The following NPSR1 variants were observed in gnomAD, a reference collection of about 807,000 sequenced individuals.
NPSR1 encodes the protein neuropeptide S receptor.
In NPSR1, 48 loss-of-function variants were observed where a neutral mutation model predicts 46.9. That is an observed-to-expected ratio of 1.02 (90% CI 0.81 to 1.30). The LOEUF (loss-of-function observed/expected upper bound fraction) is 1.30, where lower values mean the gene tolerates loss of function less well. Among genes scored for constraint, NPSR1 ranks in the 50% most tolerant of loss-of-function variants. NPSR1 has a pLI of 0.00. For missense variants in NPSR1, 450 were observed against 449.5 expected, an observed-to-expected ratio of 1.00 and a Z score of -0.01; for synonymous variants, 176 against 168.1, an observed-to-expected ratio of 1.05 and a Z score of -0.36.
intron 8 of NPSR1, among the ~76,000 whole-genome samples, chr7:34,875,516 G>A (rs1401720447): frequency 6.6e-6 from 1 of 152,172 alleles, no homozygotes; most frequent in Non-Finnish European, 1.5e-5. Context: ...TGGCCCTGGG[G>A]CTCCATCATC....
downstream of NPSR1, among the ~76,000 whole-genome samples, chr7:34,853,437 T>C (rs1433439010): frequency 1.3e-5 from 2 of 152,202 alleles, no homozygotes; most frequent in Non-Finnish European, 2.9e-5. Flanking sequence ...CGTAACTGTT[T>C]AGGTGCCAAT....
rs115155488 is a variant in NPSR1, at chr7:34,747,708, C to T, written c.281-30754C>T. 7.0e-3 allele frequency among the ~76,000 whole-genome samples: 1,059 copies of T among 152,282 alleles called. 10 individuals carry two copies. The highest frequency in any genetic ancestry group is 0.024 in the African/African-American group (1,004 of 41,540). On this transcript the variant is annotated intron_variant, in intron 2 of 8. Transcript: ENST00000360581. ...GTTTTCTAAAGCTTAAAGATGACTA[C>T]AAGGACAAAGAGTAAACACTTAATT...
chr7:34,756,885 G>A (rs1279863239), intron 2 of NPSR1, among the ~76,000 whole-genome samples: 1 of 152,202 alleles, frequency 6.6e-6, no homozygotes, highest in East Asian at 1.9e-4. Flanking sequence ...CCTTGTGGCT[G>A]GCACTGAGCC....
intron 2 of NPSR1, among the ~76,000 whole-genome samples, chr7:34,733,895 A>T (rs894652712): frequency 4.6e-5 from 7 of 152,210 alleles, no homozygotes; most frequent in Admixed American, 3.9e-4. Flanking sequence ...TGGTACTGCT[A>T]TAGAAAACTG....
chr7:34,828,968 G>C (rs1014393357), intron 5 of NPSR1, among the ~76,000 whole-genome samples: 1 of 152,100 alleles, frequency 6.6e-6, no homozygotes, highest in Admixed American at 6.5e-5. Context: ...CTAAATCTTT[G>C]CCAACCTAAG....
intron 3 of NPSR1, among the ~76,000 whole-genome samples, chr7:34,811,298 C>G (rs34556048): frequency 0.068 from 10,375 of 151,974 alleles, 1,036 homozygotes; most frequent in African/African-American, 0.22. Context: ...ATGATCTTCC[C>G]CTGGAGTTTG....
At chr7:34,868,845 G>A (rs1164246789) in intron 8 of NPSR1, among the ~76,000 whole-genome samples, 1 of 151,528 alleles carries the variant, frequency 6.6e-6, no homozygotes, top group Non-Finnish European at 1.5e-5. Flanking sequence ...ATATAACACA[G>A]ATGGAGAAAG....
chr7:34,736,954 T>C (rs975595288), intron 2 of NPSR1, among the ~76,000 whole-genome samples: 1 of 152,180 alleles, frequency 6.6e-6, no homozygotes. Flanking sequence ...AAGAAAGCAG[T>C]ATTTCATCCT....
intron 2 of NPSR1, among the ~76,000 whole-genome samples, chr7:34,716,552 C>T (rs1392133386): frequency 6.6e-6 from 1 of 152,142 alleles, no homozygotes; most frequent in Admixed American, 6.5e-5. Flanking sequence ...GAGATAAAAG[C>T]AATTCCTTTT....
chr7:34,865,227 C>T (rs1479520663), intron 8 of NPSR1, among the ~76,000 whole-genome samples: 1 of 151,840 alleles, frequency 6.6e-6, no homozygotes, highest in Non-Finnish European at 1.5e-5. Flanking sequence ...TATTTTTGCT[C>T]AGCTACGGAA....
Position 34,658,345 on chromosome 7 carries a change from GGA to G in NPSR1, c.-66_-65del. The G allele has an allele frequency of 6.4e-7, 1 of 1,572,916 alleles. No homozygotes were observed. Among genetic ancestry groups the G allele is most frequent in the East Asian group, 2.2e-5 (1 of 44,614 alleles). ...AGCTGCAGCTGCTGCCCAGCTCTCA[GGA>G]GGCAAGCTGGACTCCCTCACTCAGC... On this transcript the variant is annotated 5_prime_UTR_variant, in exon 1 of 9. Coordinates refer to ENST00000360581, the MANE Select transcript of NPSR1 (RefSeq NM_207172.2).
At chr7:34,711,692 C>G (rs1221884040) in intron 2 of NPSR1, among the ~76,000 whole-genome samples, 1 of 152,226 alleles carries the variant, frequency 6.6e-6, no homozygotes, top group Non-Finnish European at 1.5e-5. Flanking sequence ...AACACTGAGA[C>G]GATGCACATA....
At chr7:34,834,323 C>G (rs1790266094) in intron 5 of NPSR1, 61 bp from the exon 6 acceptor site, 2 of 1,304,486 alleles carry the variant, frequency 1.5e-6, no homozygotes, top group Non-Finnish European at 1.1e-6. Flanking sequence ...GTGGTCTTCT[C>G]TGTGTCCTCA....
intron 1 of NPSR1, among the ~76,000 whole-genome samples, chr7:34,683,459 A>AAAT (rs1466092349): frequency 1.2e-3 from 183 of 151,752 alleles, no homozygotes; most frequent in East Asian, 5.8e-3. Flanking sequence ...AAAAAAAAAA[A>AAAT]ATATTTCTTA....
chr7:34,870,787 AG>A (rs1214746179), intron 8 of NPSR1, among the ~76,000 whole-genome samples: 1 of 151,736 alleles, frequency 6.6e-6, no homozygotes, highest in Non-Finnish European at 1.5e-5. Flanking sequence ...TCCTTGGGCT[AG>A]GGCTTTAAAT....
At chr7:34,767,053 A>C (rs1786470664) in intron 2 of NPSR1, among the ~76,000 whole-genome samples, 1 of 152,194 alleles carries the variant, frequency 6.6e-6, no homozygotes. Flanking sequence ...ACAGTTGTAG[A>C]ACTGTTCTCT....
chr7:34,742,860 G>A (rs946403467), intron 2 of NPSR1, among the ~76,000 whole-genome samples: 1 of 152,174 alleles, frequency 6.6e-6, no homozygotes, highest in African/African-American at 2.4e-5. Flanking sequence ...TGATGGATGT[G>A]AGATGGTATT....
chr7:34,831,844 A>C (rs1261715251), intron 5 of NPSR1, among the ~76,000 whole-genome samples: 1 of 152,082 alleles, frequency 6.6e-6, no homozygotes, highest in Non-Finnish European at 1.5e-5. Flanking sequence ...ACAACCGACA[A>C]TTGCAAAAAA....
intron 8 of NPSR1, chr7:34,877,975 T>C: frequency 1.5e-6 from 1 of 657,612 alleles, no homozygotes; most frequent in Non-Finnish European, 2.7e-6. Flanking sequence ...AGACTATATC[T>C]TATGAGAAAT....
Sources: gnomAD v4.1 joint callset for allele counts (sites outside exome capture counted in the v4.1 genomes callset) on GRCh38, gnomAD v4.1.1 for gene constraint, MANE v1.5 for transcripts, NCBI Gene and HGNC (gene_info 2026-07-23, HGNC 2026-07-21) for gene names.